The following DNAH8 variants were observed in gnomAD, a reference collection of about 807,000 sequenced individuals.
The protein encoded by DNAH8 is axonemal beta dynein heavy chain 8.
A neutral mutation model predicts 562.1 loss-of-function variants in DNAH8; 382 were observed. The ratio of observed to expected loss-of-function variants is 0.68; its 90% CI spans 0.63 to 0.74. The LOEUF is 0.74. DNAH8 is among the 30% of genes least tolerant of loss of function. The pLI is 0.00. For missense variants in DNAH8, 5,203 were observed against 5,620.4 expected, an observed-to-expected ratio of 0.93 and a Z score of 2.37; for synonymous variants, 1,881 against 1,919.4, an observed-to-expected ratio of 0.98 and a Z score of 0.52.
chr6:38,980,392 A>T (rs535896616), intron 85 of DNAH8, among the ~76,000 whole-genome samples: 1 of 152,336 alleles, frequency 6.6e-6, no homozygotes, highest in South Asian at 2.1e-4. Flanking sequence ...AAGCAATGTT[A>T]GGGACCAAGG....
chr6:38,827,011 A>G (rs1245131210), intron 29 of DNAH8, among the ~76,000 whole-genome samples: 1 of 152,186 alleles, frequency 6.6e-6, no homozygotes, highest in Non-Finnish European at 1.5e-5. Context: ...AGATGTCAGC[A>G]GGGCCATGTT....
At chr6:38,945,374 A>G in intron 79 of DNAH8, 93 bp from the exon 80 acceptor site, 1 of 1,316,052 alleles carries the variant, frequency 7.6e-7, no homozygotes, top group Non-Finnish European at 1.1e-6. Flanking sequence ...ATTTTCAGTA[A>G]TGTGGCTATT....
chr6:38,783,634 T>C (rs1768859260), intron 17 of DNAH8, among the ~76,000 whole-genome samples: 1 of 152,174 alleles, frequency 6.6e-6, no homozygotes, highest in Non-Finnish European at 1.5e-5. Context: ...TGTGTCTGCG[T>C]GCCTCTGAGG....
intron 88 of DNAH8, among the ~76,000 whole-genome samples, chr6:38,999,366 TGA>T (rs775805381): frequency 6.6e-6 from 1 of 150,940 alleles, no homozygotes; most frequent in Non-Finnish European, 1.5e-5. Flanking sequence ...TGAAGGTGAC[TGA>T]GAGAGCACCT....
At chr6:38,996,754 C>A (rs1408313294) in intron 88 of DNAH8, among the ~76,000 whole-genome samples, 2 of 152,174 alleles carry the variant, frequency 1.3e-5, no homozygotes, top group Non-Finnish European at 2.9e-5. Flanking sequence ...AGCTGTTAAT[C>A]TGTTTCTTGC....
chr6:38,729,667 C>T (rs950361319), intron 3 of DNAH8, among the ~76,000 whole-genome samples: 3 of 152,132 alleles, frequency 2.0e-5, no homozygotes, highest in Non-Finnish European at 4.4e-5. Context: ...TTCTGTGGGG[C>T]AGGGTCAGGT....
Position 38,935,785 on chromosome 6 carries a change from G to T in DNAH8, c.11563+88G>T, listed in dbSNP as rs1436348246. ...TTTCAATGCCCTCATGACTATAGATGTTAGGAAATACTCATGTTATCAATG... is the reference window on the plus strand; with the variant it reads ...TTTCAATGCCCTCATGACTATAGATTTTAGGAAATACTCATGTTATCAATG... On this transcript the variant is annotated intron_variant, in intron 77 of 92. Coordinates refer to ENST00000327475, the MANE Select transcript of DNAH8 (RefSeq NM_001206927.2). 22 of 942,850 alleles carry T rather than the reference G, an allele frequency of 2.3e-5. No homozygotes were observed. In the Admixed American group the frequency reaches 5.6e-4, roughly 24 times the overall value. 58.4% of individuals were successfully genotyped at this position (942,850 alleles called of 1,614,324 possible). A position where few individuals can be genotyped will look rare whatever the true frequency, so the allele number is the denominator to read the frequency against.
intron 52 of DNAH8, among the ~76,000 whole-genome samples, chr6:38,874,932 T>C (rs1037351446): frequency 6.6e-6 from 1 of 152,252 alleles, no homozygotes; most frequent in Admixed American, 6.5e-5. Flanking sequence ...AATTTTGTTT[T>C]GAAAGACCGA....
In DNAH8 at chr6:38,789,891, T is replaced by C; in HGVS notation, c.2664+8T>C. ...ACCCCAAAAATGAAAAAGGTTGGTATTGCTGAAGGTTTGTATTGATTTTCC... is the reference window on the plus strand; with the variant it reads ...ACCCCAAAAATGAAAAAGGTTGGTACTGCTGAAGGTTTGTATTGATTTTCC... On this transcript the variant is annotated splice_region_variant and intron_variant, in intron 19 of 92. Coordinates refer to ENST00000327475, the MANE Select transcript of DNAH8 (RefSeq NM_001206927.2). 3 of 1,595,100 alleles carry C rather than the reference T, an allele frequency of 1.9e-6. No homozygotes were observed. The highest frequency in any genetic ancestry group is 2.6e-6 in the Non-Finnish European group (3 of 1,164,430).
At chr6:38,933,325 G>A (rs1037745764) in intron 76 of DNAH8, among the ~76,000 whole-genome samples, 4 of 152,130 alleles carry the variant, frequency 2.6e-5, no homozygotes, top group South Asian at 4.1e-4. Flanking sequence ...CAACCTTGCT[G>A]GAGAAAAAAA....
rs775422657 is a variant in DNAH8, at chr6:38,860,528, T to A, written c.6030T>A (p.Asp2010Glu). 3.3e-6 allele frequency: 5 copies of A among 1,512,514 alleles called. No individual in the cohort carries two copies. Among genetic ancestry groups the A allele is most frequent in the Admixed American group, 4.9e-5 (2 of 40,880 alleles). The allele number at this position is 1,512,514 out of a possible 1,614,324, so 93.7% of individuals were successfully genotyped here. A position where few individuals can be genotyped will look rare whatever the true frequency, so the allele number is the denominator to read the frequency against. Residue 2010 changes from aspartate to glutamate, a missense_variant, in exon 43 of 93, where the codon GAT (aspartate) becomes GAA (glutamate). Asp to Glu is a conservative substitution (Grantham distance 45). Around this residue, in one of 6 missense-constraint regions of DNAH8, gnomAD observed 2,176 missense variants for 2,365.1 expected, o/e 0.92. Coordinates refer to ENST00000327475, the MANE Select transcript of DNAH8 (RefSeq NM_001206927.2). ...LKQSRFYFKE[D>E]LDQTVVSITD... Reference sequence around the variant, plus strand: ...AGAGTAGATTTTATTTTAAGGAAGATTTGGATCAAACTGTGGTGTCTATTA... The same window carrying A: ...AGAGTAGATTTTATTTTAAGGAAGAATTGGATCAAACTGTGGTGTCTATTA...
intron 1 of DNAH8, among the ~76,000 whole-genome samples, chr6:38,717,977 C>T (rs1041501634): frequency 6.6e-6 from 1 of 152,044 alleles, no homozygotes; most frequent in East Asian, 1.9e-4. Flanking sequence ...AAATTTTATG[C>T]GAGTGGTGTT....
At chr6:38,776,720 C>T (rs1482894852) in intron 13 of DNAH8, among the ~76,000 whole-genome samples, 1 of 152,160 alleles carries the variant, frequency 6.6e-6, no homozygotes, top group African/African-American at 2.4e-5. Flanking sequence ...CATTCATATC[C>T]TGTGTGTCAT....
chr6:38,807,478 A>G (rs1435182351), intron 23 of DNAH8, 132 bp from the exon 24 acceptor site: 1 of 422,058 alleles, frequency 2.4e-6, no homozygotes, highest in Non-Finnish European at 4.3e-6. Flanking sequence ...TATTTCTACA[A>G]TATCATTGAA....
intron 4 of DNAH8, 28 bp from the exon 5 acceptor site, chr6:38,734,446 A>G (rs1250895093): frequency 6.2e-7 from 1 of 1,610,474 alleles, no homozygotes; most frequent in Non-Finnish European, 8.5e-7. Flanking sequence ...GTGTGATTAT[A>G]CGCTAAGTTC....
chr6:38,854,552 T>C (rs1776031976), intron 41 of DNAH8, among the ~76,000 whole-genome samples: 1 of 152,198 alleles, frequency 6.6e-6, no homozygotes, highest in African/African-American at 2.4e-5. Context: ...TTATATTATA[T>C]AATACCCTGG....
chr6:38,934,416 C>A (rs7768130), intron 76 of DNAH8, among the ~76,000 whole-genome samples: 32,833 of 151,576 alleles, frequency 0.22, 5,585 homozygotes, highest in African/African-American at 0.47. Context: ...AAACAAAAAA[C>A]AAAACAAACT....
Position 38,935,592 on chromosome 6 carries a change from G to A in DNAH8, c.11458G>A (p.Glu3820Lys), listed in dbSNP as rs1338828163. 1 of 1,606,636 alleles carries A rather than the reference G, an allele frequency of 6.2e-7. No homozygotes were observed. Among genetic ancestry groups the A allele is most frequent in the East Asian group, 2.2e-5 (1 of 44,690 alleles). Residue 3820 changes from glutamate (E) to lysine (K), a missense_variant and splice_region_variant, in exon 77 of 93, where the codon GAG becomes AAG. Around this residue, in one of 6 missense-constraint regions of DNAH8, gnomAD observed 1,399 missense variants for 1,518.4 expected, o/e 0.92. Coordinates refer to ENST00000327475, the MANE Select transcript of DNAH8 (RefSeq NM_001206927.2). ...GTTATTTTTTGTTTTTTAATGACAG[G>A]AGTTAGAGGCTGAGAGGGTTAAACT... ...LRRVILTEKQELEAERVKLLE... is the reference protein window; with the variant it reads ...LRRVILTEKQKLEAERVKLLE...
At chr6:38,992,933 T>C (rs1394521270) in intron 88 of DNAH8, among the ~76,000 whole-genome samples, 2 of 152,236 alleles carry the variant, frequency 1.3e-5, no homozygotes, top group Admixed American at 6.5e-5. Flanking sequence ...CATGTTTTGA[T>C]CCATTTGCTT....
Sources: gnomAD v4.1 joint callset for allele counts (sites outside exome capture counted in the v4.1 genomes callset) on GRCh38, gnomAD v4.1.1 for gene constraint, gnomAD v4.1.1 regional missense constraint, MANE v1.5 for transcripts, NCBI Gene and HGNC (gene_info 2026-07-23, HGNC 2026-07-21) for gene names.